Variants in DTNB observed in about 807,000 individuals in gnomAD.
DTNB encodes the protein DTN-B.
In DTNB, 63 loss-of-function variants were observed where a neutral mutation model predicts 90.7. The ratio of observed to expected loss-of-function variants is 0.69; its 90% CI spans 0.57 to 0.86. The LOEUF is 0.86. Among genes scored for constraint, DTNB ranks in the 40% least tolerant of loss-of-function variants. The pLI is 0.00. For synonymous variants in DTNB, 277 were observed against 286.7 expected, an observed-to-expected ratio of 0.97 and a Z score of 0.34; for missense variants, 744 against 807.1, an observed-to-expected ratio of 0.92 and a Z score of 0.95.
chr2:25,465,303 G>C (rs1040535594), intron 10 of DTNB, among the ~76,000 whole-genome samples: 1 of 151,456 alleles, frequency 6.6e-6, no homozygotes, highest in African/African-American at 2.4e-5. Context: ...GTGAACCTGG[G>C]AGGCAGAGCT....
chr2:25,607,247 T>C lies in DTNB; in HGVS notation c.437A>G (p.Asp146Gly). Residue 146 changes from aspartate (D) to glycine (G), a missense_variant, in exon 5 of 21, where the codon GAC becomes GGC. Transcript: ENST00000406818. ...ATGAAAATACTTACATCTCAATTTG[T>C]CCAGCATTTTTCCACCACACATGGT... is the stretch of plus-strand genomic sequence containing the variant. ...LATMCGGKML[D>G]KLRYVFSQMS... 6.2e-7 allele frequency: 1 copy of C among 1,602,152 alleles called. No individual in the cohort carries two copies. Among genetic ancestry groups the C allele is most frequent in the Non-Finnish European group, 8.5e-7 (1 of 1,173,922 alleles).
At chr2:25,480,461 T>C (rs1319534377) in intron 10 of DTNB, among the ~76,000 whole-genome samples, 1 of 152,148 alleles carries the variant, frequency 6.6e-6, no homozygotes, top group Non-Finnish European at 1.5e-5. Flanking sequence ...TGACTGGCAA[T>C]CACAGCTGGC....
chr2:25,408,538 C>CAAAAAAAAA (rs11395783), intron 16 of DTNB, among the ~76,000 whole-genome samples: 1 of 32,732 alleles, frequency 3.1e-5, no homozygotes, highest in Non-Finnish European at 6.4e-5. Flanking sequence ...GACTCCATCT[C>CAAAAAAAAA]AAAAAAAAAA....
intron 8 of DTNB, among the ~76,000 whole-genome samples, chr2:25,566,129 G>C (rs951742474): frequency 6.6e-6 from 1 of 152,188 alleles, no homozygotes; most frequent in African/African-American, 2.4e-5. Flanking sequence ...AAGAAAATCA[G>C]AGAGATGCAT....
chr2:25,614,592 A>T (rs2069660300), intron 4 of DTNB, among the ~76,000 whole-genome samples: 1 of 152,236 alleles, frequency 6.6e-6, no homozygotes, highest in Non-Finnish European at 1.5e-5. Context: ...CATGTTCAAG[A>T]TCTGTATGCT....
chr2:25,442,776 C>A (rs1279121883), intron 12 of DTNB, among the ~76,000 whole-genome samples: 1 of 152,240 alleles, frequency 6.6e-6, no homozygotes, highest in Admixed American at 6.5e-5. Flanking sequence ...AATCTCAAAT[C>A]TAGCTGAGGA....
At position 25,628,242 on chromosome 2, in the gene DTNB, A is replaced by T; in HGVS notation, c.291T>A (p.Pro97=). Reference sequence around the variant, plus strand: ...GTTCCACACTAATTTGGTGAGTAGAAGGAAGGCGCTTGTTCAACTGATAGT... The same window carrying T: ...GTTCCACACTAATTTGGTGAGTAGATGGAAGGCGCTTGTTCAACTGATAGT... The part of the protein sequence containing the change: ...SIYYQLNKRL[P]STHQISVEQS... Residue 97 remains proline (P), a synonymous_variant, in exon 4 of 21, where the codon CCT becomes CCA. Transcript: ENST00000406818. 1.2e-6 allele frequency: 2 copies of T among 1,613,764 alleles called. No individual in the cohort carries two copies. The highest frequency in any genetic ancestry group is 1.7e-6 in the Non-Finnish European group (2 of 1,179,868).
chr2:25,436,374 C>G (rs1281618191), intron 12 of DTNB, among the ~76,000 whole-genome samples: 1 of 151,720 alleles, frequency 6.6e-6, no homozygotes, highest in Non-Finnish European at 1.5e-5. Flanking sequence ...AGCCAATGAA[C>G]ATGAGTAGGT....
intron 9 of DTNB, among the ~76,000 whole-genome samples, chr2:25,522,236 C>T (rs2076268732): frequency 6.6e-6 from 1 of 152,134 alleles, no homozygotes; most frequent in African/African-American, 2.4e-5. Flanking sequence ...TTTGAAAAAC[C>T]TTGTTTACTC....
intron 14 of DTNB, among the ~76,000 whole-genome samples, chr2:25,429,581 G>C (rs1326276978): frequency 6.6e-6 from 1 of 152,208 alleles, no homozygotes; most frequent in African/African-American, 2.4e-5. Flanking sequence ...AGTAATTAGT[G>C]CTCCTCAGTG....
At chr2:25,441,620 T>C (rs938679034) in intron 12 of DTNB, among the ~76,000 whole-genome samples, 1 of 152,232 alleles carries the variant, frequency 6.6e-6, no homozygotes, top group Admixed American at 6.5e-5. Context: ...AATTCCTTCA[T>C]GGAGCTCTCA....
chr2:25,615,060 C>A (rs1355234878), intron 4 of DTNB, among the ~76,000 whole-genome samples: 1 of 152,210 alleles, frequency 6.6e-6, no homozygotes, highest in Non-Finnish European at 1.5e-5. Flanking sequence ...GTTCCCATGA[C>A]CCTTCCTTGG....
intron 4 of DTNB, among the ~76,000 whole-genome samples, chr2:25,615,424 T>C (rs1453331041): frequency 1.3e-5 from 2 of 152,208 alleles, no homozygotes; most frequent in Non-Finnish European, 2.9e-5. Context: ...CCCAACTCTC[T>C]AATCAATCAC....
chr2:25,518,490 GTC>G (rs886658779), intron 9 of DTNB, among the ~76,000 whole-genome samples: 14 of 151,938 alleles, frequency 9.2e-5, no homozygotes, highest in Admixed American at 2.6e-4. Context: ...GCATCCCTCT[GTC>G]TCTCACACAC....
In DTNB at chr2:25,490,090, A is replaced by G. The variant is rs564898932; in HGVS notation, c.1002-7217T>C. Reference sequence around the variant, plus strand: ...CAGGAGTTCGAGACCAGCCTGAGCAACATGGCAAGACCCCATCTCTACAAA... The same window carrying G: ...CAGGAGTTCGAGACCAGCCTGAGCAGCATGGCAAGACCCCATCTCTACAAA... On this transcript the variant is annotated intron_variant, in intron 9 of 20. Transcript: ENST00000406818. Among the ~76,000 whole-genome samples the G allele has an allele frequency of 5.9e-5, 9 of 152,362 alleles. No individual in the cohort carries two copies. The South Asian group carries it at 8.3e-4, about 14-fold the overall frequency.
chr2:25,483,545 C>A (rs2065435294), intron 9 of DTNB, among the ~76,000 whole-genome samples: 1 of 152,150 alleles, frequency 6.6e-6, no homozygotes. Context: ...TTTGATAACC[C>A]CTAATCCAAA....
intron 1 of DTNB, chr2:25,653,201 T>C (rs978410952): frequency 1.3e-5 from 2 of 152,366 alleles, no homozygotes; most frequent in Admixed American, 6.5e-5. Context: ...AGAATGTCCA[T>C]GTGTTGTGGG....
chr2:25,420,462 A>AAATCAATC (rs1281138713), intron 15 of DTNB, among the ~76,000 whole-genome samples: 2 of 145,624 alleles, frequency 1.4e-5, no homozygotes, highest in African/African-American at 5.1e-5. Context: ...TCTGTCATCT[A>AAATCAATC]AATCAATCTA....
chr2:25,504,487 CAAG>C (rs1016072856), intron 9 of DTNB, among the ~76,000 whole-genome samples: 2 of 107,466 alleles, frequency 1.9e-5, no homozygotes, highest in African/African-American at 7.2e-5. Context: ...GAAGGAAAGA[CAAG>C]AAAGAAGGAA....
Sources: gnomAD v4.1 joint callset for allele counts (sites outside exome capture counted in the v4.1 genomes callset) on GRCh38, gnomAD v4.1.1 for gene constraint, MANE v1.5 for transcripts, NCBI Gene and HGNC (gene_info 2026-07-23, HGNC 2026-07-21) for gene names.